The following GPC5 variants were observed in gnomAD, a reference collection of about 807,000 sequenced individuals.
GPC5 encodes glypican-5.
Under a neutral mutation model 53.9 loss-of-function variants are expected in GPC5, and 47 were observed. The ratio of observed to expected loss-of-function variants is 0.87; its 90% confidence interval spans 0.69 to 1.11. The LOEUF (loss-of-function observed/expected upper bound fraction) is 1.11, where lower values mean the gene tolerates loss of function less well. GPC5 is among the 50% of genes most tolerant of loss of function. The pLI, the probability that GPC5 is intolerant of heterozygous loss-of-function variation, is 0.00. For missense variants in GPC5, 748 were observed against 713.1 expected (o/e 1.05, Z -0.56); for synonymous variants, 286 against 263.3 (o/e 1.09, Z -0.84).
At chr13:91,653,352 T>C (rs1374163844) in intron 2 of GPC5, among the ~76,000 whole-genome samples, 1 of 151,834 alleles carries the variant, frequency 6.6e-6, no homozygotes, top group Non-Finnish European at 1.5e-5. Context: ...ACATAGAGAG[T>C]AGCAGGATGG....
chr13:92,341,601 AAAAT>A (rs1566546676), intron 7 of GPC5, among the ~76,000 whole-genome samples: 1 of 152,064 alleles, frequency 6.6e-6, no homozygotes, highest in Non-Finnish European at 1.5e-5. Context: ...CTGATGTAGT[AAAAT>A]AAAGTTTGTA....
intron 7 of GPC5, among the ~76,000 whole-genome samples, chr13:92,852,224 C>T (rs2138845944): frequency 6.6e-6 from 1 of 152,150 alleles, no homozygotes; most frequent in South Asian, 2.1e-4. Flanking sequence ...AAAACACTCA[C>T]AAAGAGGGGA....
chr13:92,775,823 G>A (rs538862796), intron 7 of GPC5, among the ~76,000 whole-genome samples: 2 of 152,116 alleles, frequency 1.3e-5, no homozygotes, highest in East Asian at 1.9e-4. Flanking sequence ...GTCTTAAATC[G>A]GCTTCCAATA....
chr13:92,078,019 G>A (rs2041266472), intron 6 of GPC5, among the ~76,000 whole-genome samples: 2 of 151,782 alleles, frequency 1.3e-5, no homozygotes, highest in Non-Finnish European at 2.9e-5. Flanking sequence ...AGATACATAG[G>A]TAGCTACATA....
chr13:92,663,808 T>TACACACTATATATATATAC (rs1324979685), intron 7 of GPC5, among the ~76,000 whole-genome samples: 1 of 131,072 alleles, frequency 7.6e-6, no homozygotes, highest in Non-Finnish European at 1.6e-5. Flanking sequence ...ACTATATATA[T>TACACACTATATATATATAC]ACACACTATA....
chr13:92,300,505 A>C (rs2043068115), intron 7 of GPC5, among the ~76,000 whole-genome samples: 1 of 152,198 alleles, frequency 6.6e-6, no homozygotes, highest in Admixed American at 6.5e-5. Flanking sequence ...ATGCTAACCT[A>C]ACACATGAGT....
chr13:92,631,167 AT>A (rs1885222668), intron 7 of GPC5, among the ~76,000 whole-genome samples: 1 of 152,066 alleles, frequency 6.6e-6, no homozygotes, highest in African/African-American at 2.4e-5. Context: ...CGTTGAGATA[AT>A]TAAATGAGAA....
At chr13:91,573,814 C>T (rs1032922053) in intron 2 of GPC5, among the ~76,000 whole-genome samples, 1 of 152,134 alleles carries the variant, frequency 6.6e-6, no homozygotes, top group East Asian at 1.9e-4. Context: ...AAAATGAACT[C>T]TGATAAGAGA....
At chr13:91,854,544 C>A (rs1051303323) in intron 5 of GPC5, among the ~76,000 whole-genome samples, 3 of 151,662 alleles carry the variant, frequency 2.0e-5, no homozygotes, top group Non-Finnish European at 3.0e-5. Flanking sequence ...CCTCTTCCCC[C>A]TCCCCAAACT....
At chr13:91,457,351 G>GATAAAATAATGATACTATAAAAAATATCT (rs1466885132) in intron 2 of GPC5, among the ~76,000 whole-genome samples, 6 of 151,972 alleles carry the variant, frequency 3.9e-5, no homozygotes, top group African/African-American at 1.4e-4. Flanking sequence ...TTACAGTAAA[G>GATAAAATAATGATACTATAAAAAATATCT]ATAAAATAAT....
At chr13:91,671,200 T>C (rs1594407653) in intron 2 of GPC5, among the ~76,000 whole-genome samples, 1 of 152,340 alleles carries the variant, frequency 6.6e-6, no homozygotes, top group East Asian at 1.9e-4. Flanking sequence ...TAGCTTATTT[T>C]TCACACCTAC....
chr13:92,357,332 A>T (rs1054804463), intron 7 of GPC5, among the ~76,000 whole-genome samples: 4 of 151,754 alleles, frequency 2.6e-5, no homozygotes, highest in Non-Finnish European at 5.9e-5. Context: ...CACTCCCACC[A>T]ACAGAGTAAA....
chr13:91,871,648 T>C (rs1386937051), intron 5 of GPC5, among the ~76,000 whole-genome samples: 1 of 152,284 alleles, frequency 6.6e-6, no homozygotes, highest in East Asian at 1.9e-4. Flanking sequence ...AAAATTTTAG[T>C]ATATTAATTA....
At chr13:92,863,451 A>C (rs1879245361) in intron 7 of GPC5, among the ~76,000 whole-genome samples, 2 of 152,138 alleles carry the variant, frequency 1.3e-5, no homozygotes, top group Admixed American at 6.6e-5. Context: ...AAATTAATAC[A>C]CTTTACCACT....
At chr13:91,732,030 A>G (rs1470634867) in intron 4 of GPC5, among the ~76,000 whole-genome samples, 1 of 152,130 alleles carries the variant, frequency 6.6e-6, no homozygotes, top group African/African-American at 2.4e-5. Flanking sequence ...ATGATTTATA[A>G]TCCTTTGGGT....
chr13:91,709,009 A>G (rs868565253), intron 3 of GPC5, among the ~76,000 whole-genome samples: 9 of 152,316 alleles, frequency 5.9e-5, no homozygotes, highest in Middle Eastern at 3.4e-3. Flanking sequence ...CTGAAAAACT[A>G]TTTTTGTTAT....
At chr13:91,439,038 C>T (rs957521047) in intron 1 of GPC5, among the ~76,000 whole-genome samples, 19 of 152,210 alleles carry the variant, frequency 1.2e-4, no homozygotes, top group African/African-American at 2.4e-4. Flanking sequence ...GTGTCGCTCA[C>T]GCTGGGAGCT....
At chr13:92,301,538 ATTTAC>A (rs2043075473) in intron 7 of GPC5, among the ~76,000 whole-genome samples, 2 of 152,150 alleles carry the variant, frequency 1.3e-5, no homozygotes, top group African/African-American at 4.8e-5. Flanking sequence ...GATTCCATTT[ATTTAC>A]TTCTAAAGTG....
At chr13:92,620,391 A>G in intron 7 of GPC5, among the ~76,000 whole-genome samples, 1 of 152,190 alleles carries the variant, frequency 6.6e-6, no homozygotes. Context: ...CCTAAAAAGA[A>G]GCATCTTAGG....
Sources: allele counts gnomAD v4.1 joint callset (sites outside exome capture counted in the v4.1 genomes callset), GRCh38; gene constraint gnomAD v4.1.1; transcripts MANE v1.5; gene names NCBI Gene and HGNC (gene_info 2026-07-23, HGNC 2026-07-21).